The following RYR3 variants were observed in gnomAD, a reference collection of about 807,000 sequenced individuals.
RYR3 encodes the protein ryanodine receptor 3.
A neutral mutation model predicts 584.3 loss-of-function variants in RYR3; 207 were observed. The ratio of observed to expected loss-of-function variants is 0.35; its 90% confidence interval spans 0.32 to 0.40. The LOEUF (loss-of-function observed/expected upper bound fraction) is 0.40. RYR3 is among the 10% of genes least tolerant of loss of function. The pLI, the probability that RYR3 is intolerant of heterozygous loss-of-function variation, is 1.00. For missense variants in RYR3, 5,616 were observed against 6,089.2 expected, an observed-to-expected ratio of 0.92 and a Z score of 2.59; for synonymous variants, 2,416 against 2,248.5, an observed-to-expected ratio of 1.07 and a Z score of -2.11.
At chr15:33,438,757 A>G (rs915366254) in intron 1 of RYR3, among the ~76,000 whole-genome samples, 12 of 152,238 alleles carry the variant, frequency 7.9e-5, no homozygotes, top group Non-Finnish European at 1.3e-4. Flanking sequence ...CAATGTCTTT[A>G]TATAATTTTC....
chr15:33,613,927 T>A (rs1451226891), intron 19 of RYR3, among the ~76,000 whole-genome samples: 3 of 152,236 alleles, frequency 2.0e-5, no homozygotes, highest in African/African-American at 7.2e-5. Flanking sequence ...TTTGGCTGTT[T>A]CATGATACAG....
intron 38 of RYR3, among the ~76,000 whole-genome samples, chr15:33,676,115 A>G (rs1475337428): frequency 2.0e-5 from 3 of 152,168 alleles, no homozygotes; most frequent in Admixed American, 6.5e-5. Context: ...AAGTAATCCC[A>G]AGGGTTCTCA....
Position 33,865,244 on chromosome 15 carries a change from G to A in RYR3, c.*18G>A, listed in dbSNP as rs780606406. 3.9e-5 allele frequency: 61 copies of A among 1,548,488 alleles called. No individual in the cohort carries two copies. The highest frequency in any genetic ancestry group is 8.2e-5 in the African/African-American group (6 of 73,206). On this transcript the variant is annotated 3_prime_UTR_variant, in exon 104 of 104. Coordinates refer to ENST00000634891, the MANE Select transcript of RYR3 (RefSeq NM_001036.6). ...TTGGATAAATCTGAATCAAAGAAGC[G>A]CGACAATTCTGGACAGTCAACTTCC...
rs1287072450 is a variant in RYR3, at chr15:33,747,418, C to G, written c.7990-696C>G. Among the ~76,000 whole-genome samples, 53 of 125,952 alleles carry G rather than the reference C, an allele frequency of 4.2e-4. 1 individual carries two copies. The East Asian group carries it at 0.013, about 31-fold the overall frequency. The allele number at this position is 125,952 out of a possible 152,430, so 82.6% of individuals were successfully genotyped here. On this transcript the variant is annotated intron_variant, in intron 53 of 103. Coordinates refer to ENST00000634891, the MANE Select transcript of RYR3 (RefSeq NM_001036.6). ...TGAGACGGAGTTTCACTGTTGTCAC[C>G]CTTTTTTTTTTTTTTTTTTTTTTGA...
chr15:33,355,220 G>T (rs554432686), intron 1 of RYR3, among the ~76,000 whole-genome samples: 1 of 151,312 alleles, frequency 6.6e-6, no homozygotes, highest in South Asian at 2.1e-4. Flanking sequence ...AGTTGGCTTG[G>T]CCAGACTTGT....
At chr15:33,759,105 A>T (rs2072170452) in intron 60 of RYR3, among the ~76,000 whole-genome samples, 1 of 152,222 alleles carries the variant, frequency 6.6e-6, no homozygotes, top group South Asian at 2.1e-4. Context: ...ATCAACATCA[A>T]CAAAAACGAC....
intron 102 of RYR3, among the ~76,000 whole-genome samples, chr15:33,863,368 C>T (rs749471616): frequency 5.3e-5 from 8 of 152,176 alleles, no homozygotes; most frequent in South Asian, 2.1e-4. Context: ...CAGGACCTGA[C>T]GCTCTATACA....
intron 38 of RYR3, among the ~76,000 whole-genome samples, chr15:33,681,070 G>T (rs374175415): frequency 6.6e-6 from 1 of 152,178 alleles, no homozygotes; most frequent in East Asian, 1.9e-4. Context: ...CCAGATTCAG[G>T]CAGACCTCAG....
chr15:33,801,179 G>A (rs1168622768), intron 68 of RYR3, among the ~76,000 whole-genome samples: 1 of 152,158 alleles, frequency 6.6e-6, no homozygotes, highest in African/African-American at 2.4e-5. Flanking sequence ...CCAGGTCATA[G>A]GTGGATTCAA....
chr15:33,766,288 G>GAAAAAAAAA (rs66478931), intron 60 of RYR3, among the ~76,000 whole-genome samples: 2 of 134,046 alleles, frequency 1.5e-5, no homozygotes, highest in African/African-American at 2.7e-5. Flanking sequence ...ACCTCAAAAA[G>GAAAAAAAAA]AAAAAAAAAA....
chr15:33,559,305 T>G (rs774447676), intron 10 of RYR3, among the ~76,000 whole-genome samples: 1 of 152,196 alleles, frequency 6.6e-6, no homozygotes, highest in Non-Finnish European at 1.5e-5. Flanking sequence ...GGATGAGATG[T>G]TGTGCAATGT....
chr15:33,613,498 A>G (rs995074103), intron 19 of RYR3, 123 bp downstream of exon 19: 4 of 1,016,512 alleles, frequency 3.9e-6, no homozygotes, highest in Non-Finnish European at 5.6e-6. Flanking sequence ...TCCCCAGGAC[A>G]GTGATGGTGC....
At chr15:33,576,090 A>T (rs1595673644) in intron 12 of RYR3, among the ~76,000 whole-genome samples, 3 of 152,324 alleles carry the variant, frequency 2.0e-5, no homozygotes, top group Admixed American at 2.0e-4. Context: ...TAGACCAATG[A>T]TGAGTTCTGA....
At chr15:33,493,324 T>C (rs1434938346) in intron 2 of RYR3, among the ~76,000 whole-genome samples, 1 of 152,184 alleles carries the variant, frequency 6.6e-6, no homozygotes. Context: ...CTCTGCTATT[T>C]TTCTGATATG....
rs1971038410 is a variant in RYR3 at position 33,336,467 on chromosome 15, AGAGAGAGAG to A, written c.51+25372_51+25380del. Among the ~76,000 whole-genome samples the A allele has an allele frequency of 7.9e-5, 3 of 38,210 alleles. 1 individual carries two copies. The highest frequency in any genetic ancestry group is 7.4e-4 in the African/African-American group (3 of 4,034). The allele number at this position is 38,210 out of a possible 152,430, so 25.1% of individuals were successfully genotyped here. ...GAGAGAGAGAGAGAGAGAGAGAGAG[AGAGAGAGAG>A]AGAGAGAGAGAAAGAAAGAAAGAAA... On this transcript the variant is annotated intron_variant, in intron 1 of 103. Coordinates refer to ENST00000634891, the MANE Select transcript of RYR3 (RefSeq NM_001036.6).
intron 27 of RYR3, among the ~76,000 whole-genome samples, chr15:33,639,077 G>A (rs1205953846): frequency 1.3e-5 from 2 of 152,192 alleles, no homozygotes; most frequent in Non-Finnish European, 2.9e-5. Context: ...TCTAGGAAAT[G>A]AGGGGCCATT....
chr15:33,850,855 A>T (rs1399989424), intron 94 of RYR3: 3 of 152,146 alleles, frequency 2.0e-5, no homozygotes, highest in African/African-American at 7.2e-5. Context: ...ATTAGTGGTT[A>T]GTAATATTAA....
intron 60 of RYR3, 82 bp downstream of exon 60, chr15:33,757,678 G>A (rs2071982705): frequency 6.9e-7 from 1 of 1,448,348 alleles, no homozygotes; most frequent in African/African-American, 1.4e-5. Context: ...TAAAAGGCGA[G>A]TCTTTTGGAG....
intron 1 of RYR3, among the ~76,000 whole-genome samples, chr15:33,466,103 A>T (rs189783619): frequency 6.6e-6 from 1 of 152,204 alleles, no homozygotes; most frequent in Non-Finnish European, 1.5e-5. Context: ...TTCAGAGAAG[A>T]GGTTTAATGT....
Sources: allele counts gnomAD v4.1 joint callset (sites outside exome capture counted in the v4.1 genomes callset), GRCh38; gene constraint gnomAD v4.1.1; transcripts MANE v1.5; gene names NCBI Gene and HGNC (gene_info 2026-07-23, HGNC 2026-07-21).